TBC1D19: variants seen among roughly 807,000 people sequenced by gnomAD.
TBC1D19 encodes TBC1 domain family member 19.
Under a neutral mutation model 89.0 loss-of-function variants are expected in TBC1D19, and 60 were observed. The ratio of observed to expected loss-of-function variants is 0.67; its 90% CI spans 0.55 to 0.84. The LOEUF (loss-of-function observed/expected upper bound fraction) is 0.84. TBC1D19 is among the 40% of genes least tolerant of loss of function. The probability of loss-of-function intolerance (pLI) is 0.00; values close to 1 mark genes in which losing one functional copy is unlikely to be tolerated. For missense variants in TBC1D19, 500 were observed against 610.8 expected, an observed-to-expected ratio of 0.82 and a Z score of 1.91; for synonymous variants, 189 against 199.7, an observed-to-expected ratio of 0.95 and a Z score of 0.45.
At chr4:26,743,952 A>G (rs1718510259) in intron 18 of TBC1D19, among the ~76,000 whole-genome samples, 2 of 151,704 alleles carry the variant, frequency 1.3e-5, no homozygotes, top group South Asian at 4.2e-4. Context: ...CAATGACATG[A>G]TAAACATTAA....
chr4:26,831,739 T>G, the TBC1D19 span, among the ~76,000 whole-genome samples: 2 of 152,002 alleles, frequency 1.3e-5, no homozygotes, highest in Non-Finnish European at 2.9e-5. Flanking sequence ...CATAGGTGCA[T>G]GCCACCACGC....
the TBC1D19 span, among the ~76,000 whole-genome samples, chr4:26,776,187 G>A: frequency 6.6e-6 from 1 of 152,168 alleles, no homozygotes; most frequent in African/African-American, 2.4e-5. Context: ...ATCATTGCTA[G>A]TAGGTTGGTC....
At chr4:26,760,332 G>A (rs28788902), downstream of TBC1D19, among the ~76,000 whole-genome samples, 5,144 of 152,258 alleles carry the variant, frequency 0.034, 290 homozygotes, top group African/African-American at 0.12. Flanking sequence ...GGAGGCCAAG[G>A]CAGGAAGATG....
At chr4:26,654,721 C>T (rs971445202) in intron 7 of TBC1D19, among the ~76,000 whole-genome samples, 1 of 152,208 alleles carries the variant, frequency 6.6e-6, no homozygotes, top group African/African-American at 2.4e-5. Flanking sequence ...TGGTTTTCAG[C>T]TCCATCAGGT....
intron 1 of TBC1D19, among the ~76,000 whole-genome samples, chr4:26,601,793 C>G (rs1308545621): frequency 4.6e-5 from 7 of 152,154 alleles, no homozygotes; most frequent in Non-Finnish European, 5.9e-5. Flanking sequence ...TTGATTCTTA[C>G]ATTCTATTGG....
intron 9 of TBC1D19, among the ~76,000 whole-genome samples, chr4:26,670,446 A>G (rs557029016): frequency 2.6e-5 from 4 of 151,862 alleles, no homozygotes; most frequent in East Asian, 3.9e-4. Context: ...CCACACATAC[A>G]TTAATCTTTC....
chr4:26,672,180 G>A lies in TBC1D19; in HGVS notation c.696G>A (p.Gly232=), dbSNP rs1712376836. 7.7e-7 allele frequency: 1 copy of A among 1,307,138 alleles called. No individual in the cohort carries two copies. Among genetic ancestry groups the A allele is most frequent in the Admixed American group, 2.3e-5 (1 of 42,820 alleles). 81.0% of individuals were successfully genotyped at this position (1,307,138 alleles called of 1,614,324 possible). The change falls in exon 10 of 21, where the codon GGG becomes GGA. Residue 232 remains glycine (G), a synonymous_variant. Transcript: ENST00000264866. ...TTGAAAATGAACATGTACGTATTGG[G>A]CAAAAAGGTAAGCTTTTAATTATAA... The part of the protein sequence containing the change: ...ELFENEHVRI[G]QKVLAEQDSA...
At chr4:26,746,705 T>C (rs1160119021) in intron 18 of TBC1D19, among the ~76,000 whole-genome samples, 1 of 152,194 alleles carries the variant, frequency 6.6e-6, no homozygotes, top group Non-Finnish European at 1.5e-5. Context: ...ATGATGTTTT[T>C]CCCTATATAT....
intron 1 of TBC1D19, among the ~76,000 whole-genome samples, chr4:26,605,037 T>A (rs1253063828): frequency 2.0e-5 from 3 of 152,084 alleles, no homozygotes; most frequent in African/African-American, 7.2e-5. Flanking sequence ...GAACTACCAT[T>A]CTTTTTTTAT....
chr4:26,732,485 A>C (rs1193779273), intron 15 of TBC1D19, among the ~76,000 whole-genome samples: 1 of 152,192 alleles, frequency 6.6e-6, no homozygotes, highest in Non-Finnish European at 1.5e-5. Flanking sequence ...AGTTCTTAGA[A>C]CAGTGTCTGG....
chr4:26,596,282 T>A (rs1036140718), intron 1 of TBC1D19, among the ~76,000 whole-genome samples: 1 of 152,154 alleles, frequency 6.6e-6, no homozygotes, highest in Non-Finnish European at 1.5e-5. Context: ...TTGATAGATA[T>A]AGAAGTATTT....
chr4:26,594,486 T>C (rs1740064317), intron 1 of TBC1D19, among the ~76,000 whole-genome samples: 1 of 152,124 alleles, frequency 6.6e-6, no homozygotes, highest in Non-Finnish European at 1.5e-5. Flanking sequence ...TAGTGAGCCT[T>C]ATCTCTCCCT....
intron 1 of TBC1D19, among the ~76,000 whole-genome samples, chr4:26,606,344 G>T (rs1740999283): frequency 1.3e-5 from 2 of 152,176 alleles, no homozygotes; most frequent in African/African-American, 4.8e-5. Flanking sequence ...AGAACTTGAA[G>T]AACCCAGGAA....
chr4:26,741,108 G>A (rs941970748), intron 17 of TBC1D19, among the ~76,000 whole-genome samples: 6 of 152,094 alleles, frequency 3.9e-5, no homozygotes, highest in African/African-American at 1.4e-4. Context: ...TGTAATCCCA[G>A]CACTTTGGGA....
the TBC1D19 span, among the ~76,000 whole-genome samples, chr4:26,805,612 T>C: frequency 6.6e-6 from 1 of 152,162 alleles, no homozygotes; most frequent in Non-Finnish European, 1.5e-5. Flanking sequence ...CAAGTCCTGC[T>C]AGGGATAACC....
the TBC1D19 span, among the ~76,000 whole-genome samples, chr4:26,767,521 A>AC: frequency 6.6e-6 from 1 of 152,142 alleles, no homozygotes; most frequent in Non-Finnish European, 1.5e-5. Context: ...GGGTAGAGCC[A>AC]CCATGATGGA....
the TBC1D19 span, among the ~76,000 whole-genome samples, chr4:26,779,048 T>A: frequency 2.0e-5 from 3 of 152,190 alleles, no homozygotes; most frequent in Non-Finnish European, 4.4e-5. Context: ...CTTAAAACAG[T>A]ACGGTTAGTC....
intron 4 of TBC1D19, among the ~76,000 whole-genome samples, chr4:26,632,182 C>T (rs900469736): frequency 2.0e-5 from 3 of 151,868 alleles, no homozygotes; most frequent in Non-Finnish European, 4.4e-5. Flanking sequence ...GTATTGCAGT[C>T]TTGAAAATTT....
intron 1 of TBC1D19, 36 bp from the exon 2 acceptor site, chr4:26,613,133 C>A (rs1414531989): frequency 7.4e-7 from 1 of 1,356,828 alleles, no homozygotes. Flanking sequence ...CTTTTCCTTC[C>A]TTATCTTTCT....
Sources: allele counts gnomAD v4.1 joint callset (sites outside exome capture counted in the v4.1 genomes callset), GRCh38; gene constraint gnomAD v4.1.1; transcripts MANE v1.5; gene names NCBI Gene and HGNC (gene_info 2026-07-23, HGNC 2026-07-21).